CACHD1: variants seen among roughly 807,000 people sequenced by gnomAD.
The protein encoded by CACHD1 is VWFA and cache domain-containing protein 1.
CACHD1 carries 71 observed loss-of-function variants against 138.7 expected under a neutral mutation model. The observed-to-expected ratio is 0.51, with a 90% CI of 0.42 to 0.62. The LOEUF (loss-of-function observed/expected upper bound fraction) is 0.62. Among genes scored for constraint, CACHD1 ranks in the 20% least tolerant of loss-of-function variants. The pLI is 0.00. For missense variants in CACHD1, 1,389 were observed against 1,625.3 expected (o/e 0.85, Z 2.50); for synonymous variants, 578 against 591.5 (o/e 0.98, Z 0.33).
chr1:64,503,681 T>TC (rs565507727), intron 1 of CACHD1, among the ~76,000 whole-genome samples: 2 of 152,110 alleles, frequency 1.3e-5, no homozygotes, highest in Non-Finnish European at 2.9e-5. Context: ...TTACTGATGA[T>TC]CCCCCCCATA....
At chr1:64,492,828 T>C (rs571220097) in intron 1 of CACHD1, among the ~76,000 whole-genome samples, 2 of 152,310 alleles carry the variant, frequency 1.3e-5, no homozygotes, top group African/African-American at 4.8e-5. Context: ...AGGAAATTTA[T>C]CCTTGAAAAT....
Position 64,602,794 on chromosome 1 carries a change from C to T in CACHD1, c.411-12C>T, listed in dbSNP as rs1362790845. ...CTGAATAAGTATTGCTAATTCTCTC[C>T]TATTGTTTCAGATTCGATGGGAACT... On this transcript the variant is annotated splice_polypyrimidine_tract_variant and intron_variant, in intron 3 of 26. Coordinates refer to ENST00000651257, the MANE Select transcript of CACHD1 (RefSeq NM_020925.4). 6.3e-7 allele frequency: 1 copy of T among 1,576,688 alleles called. No homozygotes were observed. The highest frequency in any genetic ancestry group is 1.7e-5 in the Admixed American group (1 of 59,914).
At chr1:64,532,516 A>G (rs1479056370) in intron 1 of CACHD1, among the ~76,000 whole-genome samples, 1 of 152,170 alleles carries the variant, frequency 6.6e-6, no homozygotes, top group African/African-American at 2.4e-5. Context: ...GATGTGTTTC[A>G]GAAAGTGGAA....
rs756005382 is a variant in CACHD1 at position 64,658,806 on chromosome 1, G to A, written c.1884G>A (p.Leu628=). 7 of 1,599,960 alleles carry A rather than the reference G, an allele frequency of 4.4e-6. No individual in the cohort carries two copies. The highest frequency in any genetic ancestry group is 6.0e-6 in the Non-Finnish European group (7 of 1,171,536). The change falls in exon 13 of 27, where the codon CTG becomes CTA. Residue 628 remains leucine (L), a synonymous_variant. Transcript: ENST00000651257. ...ACACTGTTCCCAGCAGCAAGCTGCTGTACCACCGGCTGGATCTCCTTGGCC... is the reference window on the plus strand; with the variant it reads ...ACACTGTTCCCAGCAGCAAGCTGCTATACCACCGGCTGGATCTCCTTGGCC... ...NLNTVPSSKL[L]YHRLDLLGQP...
intron 1 of CACHD1, among the ~76,000 whole-genome samples, chr1:64,484,359 A>C (rs1300375531): frequency 1.3e-5 from 2 of 152,012 alleles, no homozygotes; most frequent in Non-Finnish European, 2.9e-5. Flanking sequence ...GGCTTTGTAG[A>C]GGTCTTGAGA....
chr1:64,486,628 T>C (rs536647334), intron 1 of CACHD1, among the ~76,000 whole-genome samples: 2 of 152,330 alleles, frequency 1.3e-5, no homozygotes, highest in South Asian at 4.1e-4. Flanking sequence ...GTTCTTGTTT[T>C]CAGCTAAAAA....
chr1:64,612,605 C>T (rs1283206197), intron 4 of CACHD1, among the ~76,000 whole-genome samples: 1 of 152,016 alleles, frequency 6.6e-6, no homozygotes, highest in Non-Finnish European at 1.5e-5. Flanking sequence ...AGAATTAATT[C>T]TCTCCCTCTT....
rs1557529261 is a variant in CACHD1 at position 64,632,733 on chromosome 1, A to T, written c.779A>T (p.Glu260Val). ...AAQVILSAID[E>V]HDKISVLTVA... ...CAGGTCATCCTCAGCGCCATCGATGAACATGACAAGGTGACCATGACCCTT... is the reference window on the plus strand; with the variant it reads ...CAGGTCATCCTCAGCGCCATCGATGTACATGACAAGGTGACCATGACCCTT... Residue 260 changes from glutamate (E) to valine (V), a missense_variant, in exon 6 of 27, where the codon GAA (glutamate) becomes GTA (valine). By Grantham distance (121) the Glu-to-Val change is moderately radical. Coordinates refer to ENST00000651257, the MANE Select transcript of CACHD1 (RefSeq NM_020925.4). 1 of 1,614,130 alleles carries T rather than the reference A, an allele frequency of 6.2e-7. No individual in the cohort carries two copies. Among genetic ancestry groups the T allele is most frequent in the Non-Finnish European group, 8.5e-7 (1 of 1,179,990 alleles).
intron 3 of CACHD1, among the ~76,000 whole-genome samples, chr1:64,596,429 G>C (rs1024825869): frequency 6.6e-6 from 1 of 152,204 alleles, no homozygotes; most frequent in Admixed American, 6.5e-5. Flanking sequence ...CAGTAAACCA[G>C]ACCCTGTTAG....
In CACHD1 at chr1:64,582,251, C is replaced by T. The variant is rs1647019024; in HGVS notation, c.357C>T (p.Thr119=). 1.2e-6 allele frequency: 2 copies of T among 1,613,854 alleles called. No individual in the cohort carries two copies. The change falls in exon 3 of 27, where the codon ACC becomes ACT. Residue 119 remains threonine (T), a synonymous_variant. Transcript: ENST00000651257. ...VVEASYTAHL[T]SPLTAIQDCC... The stretch of plus-strand genomic sequence containing the variant: ...AAGCATCCTATACGGCTCACCTAAC[C>T]TCTCCCCTAACTGCAATTCAAGACT...
At chr1:64,630,760 T>C (rs976561751) in intron 5 of CACHD1, among the ~76,000 whole-genome samples, 1 of 152,178 alleles carries the variant, frequency 6.6e-6, no homozygotes, top group Non-Finnish European at 1.5e-5. Flanking sequence ...ATGGGCTAGA[T>C]GGCATGCTGA....
chr1:64,654,590 G>A, intron 11 of CACHD1, 96 bp from the exon 12 acceptor site: 1 of 786,144 alleles, frequency 1.3e-6, no homozygotes, highest in East Asian at 2.5e-5. Flanking sequence ...TCGAAATCAG[G>A]AGGTGGCCAT....
chr1:64,512,903 A>G (rs1045975923), intron 1 of CACHD1, among the ~76,000 whole-genome samples: 2 of 152,202 alleles, frequency 1.3e-5, no homozygotes, highest in Non-Finnish European at 2.9e-5. Context: ...ACTTTATATT[A>G]GTGGATGTTA....
At chr1:64,509,501 T>C (rs1425304830) in intron 1 of CACHD1, among the ~76,000 whole-genome samples, 1 of 152,308 alleles carries the variant, frequency 6.6e-6, no homozygotes, top group East Asian at 1.9e-4. Flanking sequence ...CATTTGTCTT[T>C]CTTGGCTTAA....
chr1:64,618,744 AC>A (rs1391731891), intron 4 of CACHD1, among the ~76,000 whole-genome samples: 1 of 152,202 alleles, frequency 6.6e-6, no homozygotes, highest in Non-Finnish European at 1.5e-5. Context: ...GTTGTACAGA[AC>A]ATTACTGAGA....
chr1:64,677,079 T>TA, intron 22 of CACHD1, 68 bp downstream of exon 22: 1 of 1,243,722 alleles, frequency 8.0e-7, no homozygotes, highest in Non-Finnish European at 1.2e-6. Context: ...CTTCGTGTTT[T>TA]AAAAAGGTAT....
intron 4 of CACHD1, among the ~76,000 whole-genome samples, chr1:64,622,227 T>C (rs898099822): frequency 6.6e-6 from 1 of 152,206 alleles, no homozygotes; most frequent in South Asian, 2.1e-4. Flanking sequence ...CTCAGTTATA[T>C]AAAAACCCCA....
At chr1:64,604,804 C>T (rs1375147449) in intron 4 of CACHD1, among the ~76,000 whole-genome samples, 1 of 151,816 alleles carries the variant, frequency 6.6e-6, no homozygotes, top group Non-Finnish European at 1.5e-5. Context: ...AGGTGCCCAC[C>T]ACCACACCCA....
chr1:64,579,137 T>C (rs553959885), intron 2 of CACHD1, among the ~76,000 whole-genome samples: 1 of 152,316 alleles, frequency 6.6e-6, no homozygotes, highest in South Asian at 2.1e-4. Flanking sequence ...GTAAACAATA[T>C]GTAAACAAAT....
Sources: allele counts gnomAD v4.1 joint callset (sites outside exome capture counted in the v4.1 genomes callset), GRCh38; gene constraint gnomAD v4.1.1; transcripts MANE v1.5; gene names NCBI Gene and HGNC (gene_info 2026-07-23, HGNC 2026-07-21).